Variants in SMAD9 observed in about 807,000 individuals in gnomAD.
SMAD9 encodes SMAD family member 9.
Under a neutral mutation model 46.1 loss-of-function variants are expected in SMAD9, and 36 were observed. That is an observed-to-expected ratio of 0.78 (90% CI 0.60 to 1.03). The LOEUF (loss-of-function observed/expected upper bound fraction) is 1.03. Among genes scored for constraint, SMAD9 ranks in the 50% least tolerant of loss-of-function variants. The pLI is 0.00. For synonymous variants in SMAD9, 245 were observed against 237.1 expected (o/e 1.03, Z -0.31); for missense variants, 572 against 599.8 (o/e 0.95, Z 0.48).
At chr13:36,852,433 T>C in intron 6 of SMAD9, 1 of 985,378 alleles carries the variant, frequency 1.0e-6, no homozygotes. Context: ...GTGATGAAAC[T>C]GAAGGCTTTC....
chr13:36,901,186 T>C (rs1341562665), intron 1 of SMAD9, among the ~76,000 whole-genome samples: 1 of 152,220 alleles, frequency 6.6e-6, no homozygotes, highest in African/African-American at 2.4e-5. Context: ...TTCGAGCATA[T>C]ACCTAGGAGT....
intron 1 of SMAD9, among the ~76,000 whole-genome samples, chr13:36,911,486 A>C (rs927165072): frequency 1.3e-5 from 2 of 152,142 alleles, no homozygotes; most frequent in Non-Finnish European, 2.9e-5. Flanking sequence ...ATCTGTCTGA[A>C]TACTTGTAAA....
chr13:36,915,266 T>A (rs1403752014), intron 1 of SMAD9, among the ~76,000 whole-genome samples: 2 of 152,194 alleles, frequency 1.3e-5, no homozygotes, highest in Admixed American at 1.3e-4. Context: ...CAGATTCCTT[T>A]GTTCAGTGAT....
intron 5 of SMAD9, among the ~76,000 whole-genome samples, chr13:36,859,960 CA>C (rs879463884): frequency 4.8e-4 from 62 of 129,712 alleles, no homozygotes; most frequent in East Asian, 6.5e-4. Context: ...AACTCCATCT[CA>C]AAAAAAAAAA....
At chr13:36,874,081 CT>C (rs1246343269) in intron 2 of SMAD9, among the ~76,000 whole-genome samples, 1 of 152,188 alleles carries the variant, frequency 6.6e-6, no homozygotes, top group Non-Finnish European at 1.5e-5. Flanking sequence ...AAAGTAGCTA[CT>C]CCAAAACTGT....
rs1203619107 is a variant in SMAD9 at position 36,856,208 on chromosome 13, T to C, written c.1004-2533A>G. 1.9e-4 allele frequency among the ~76,000 whole-genome samples: 29 copies of C among 149,982 alleles called. No individual in the cohort carries two copies. The East Asian group carries it at 3.3e-3, about 17-fold the overall frequency. On this transcript the variant is annotated intron_variant, in intron 5 of 6. Transcript: ENST00000379826. ...CCTGCCTTGTGAGGGTGGGCGGAGG[T>C]TTTTTCAAGAGGGAAAGCAGGTGAA...
chr13:36,902,045 A>G (rs992005378), intron 1 of SMAD9, among the ~76,000 whole-genome samples: 2 of 152,102 alleles, frequency 1.3e-5, no homozygotes, highest in South Asian at 2.1e-4. Context: ...TGGTATCCTA[A>G]GAATCTATTG....
At chr13:36,893,648 AT>A (rs1409111143) in intron 1 of SMAD9, among the ~76,000 whole-genome samples, 1 of 151,740 alleles carries the variant, frequency 6.6e-6, no homozygotes, top group Non-Finnish European at 1.5e-5. Context: ...GAAATATAAC[AT>A]TTAGTGAAAA....
At chr13:36,890,778 C>CCT (rs1189402995) in intron 1 of SMAD9, among the ~76,000 whole-genome samples, 1 of 151,846 alleles carries the variant, frequency 6.6e-6, no homozygotes, top group African/African-American at 2.4e-5. Context: ...GCACTCGTAC[C>CCT]CTCTCTCCCT....
intron 1 of SMAD9, among the ~76,000 whole-genome samples, chr13:36,901,721 C>T (rs544837304): frequency 6.6e-6 from 1 of 152,336 alleles, no homozygotes; most frequent in African/African-American, 2.4e-5. Context: ...AGCCACTGTG[C>T]CCGGTCCACT....
chr13:36,872,446 T>G (rs186134814), intron 3 of SMAD9, among the ~76,000 whole-genome samples: 1 of 151,810 alleles, frequency 6.6e-6, no homozygotes, highest in Admixed American at 6.6e-5. Context: ...TCCAGAGCAT[T>G]AGAACTAAAA....
intron 3 of SMAD9, among the ~76,000 whole-genome samples, chr13:36,868,072 G>A (rs1246759137): frequency 6.6e-6 from 1 of 152,222 alleles, no homozygotes; most frequent in Non-Finnish European, 1.5e-5. Context: ...GAATGGTCTT[G>A]TTAACATGCG....
chr13:36,881,388 T>C (rs2058401372), intron 1 of SMAD9, among the ~76,000 whole-genome samples: 1 of 152,218 alleles, frequency 6.6e-6, no homozygotes, highest in Admixed American at 6.5e-5. Context: ...AAATATAATT[T>C]TCTCCTTTGC....
intron 6 of SMAD9, chr13:36,849,730 C>G (rs2058059870): frequency 6.6e-6 from 1 of 152,158 alleles, no homozygotes; most frequent in Non-Finnish European, 1.5e-5. Flanking sequence ...TAAGTTTCCA[C>G]AGGACCTGCA....
chr13:36,918,988 G>A (rs2058719636), intron 1 of SMAD9, among the ~76,000 whole-genome samples: 1 of 152,126 alleles, frequency 6.6e-6, no homozygotes, highest in Admixed American at 6.5e-5. Flanking sequence ...AATCTGGCAA[G>A]CCACCGAAAT....
rs141457293 is a variant in SMAD9 at position 36,872,262 on chromosome 13, G to A, written c.670+396C>T. Among the ~76,000 whole-genome samples, 1,314 of 151,674 alleles carry A rather than the reference G, an allele frequency of 8.7e-3. 13 individuals carry two copies. Among genetic ancestry groups the A allele is most frequent in the Non-Finnish European group, 0.013 (854 of 67,932 alleles). ...TAGGCAAGGGCTTCCTTTGATTGTT[G>A]AAAGAGGCAACCAAGGTAAAGGCCT... On this transcript the variant is annotated intron_variant, in intron 3 of 6. Transcript: ENST00000379826.
intron 2 of SMAD9, among the ~76,000 whole-genome samples, chr13:36,877,818 T>C (rs1413424016): frequency 2.6e-5 from 4 of 152,254 alleles, no homozygotes; most frequent in Non-Finnish European, 4.4e-5. Context: ...TTCTGGGAGC[T>C]TGAAGGATCA....
rs939193960 is a variant in SMAD9 at position 36,920,184 on chromosome 13, A to T, written c.-255T>A. 37 of 73,134 alleles carry T rather than the reference A, an allele frequency of 5.1e-4. No individual in the cohort carries two copies. The highest frequency in any genetic ancestry group is 1.2e-3 in the Non-Finnish European group (31 of 25,660). 4.5% of individuals were successfully genotyped at this position (73,134 alleles called of 1,614,324 possible). ...CGGCGGGGACCGAGACAGCGGCTGCAGCAGCGGCGGCGGCGGCGGCGGCGG... is the reference window on the plus strand; with the variant it reads ...CGGCGGGGACCGAGACAGCGGCTGCTGCAGCGGCGGCGGCGGCGGCGGCGG... On this transcript the variant is annotated 5_prime_UTR_variant, in exon 1 of 7. Transcript: ENST00000379826.
chr13:36,880,822 CAAT>C (rs1401412276), intron 1 of SMAD9, among the ~76,000 whole-genome samples: 15 of 151,686 alleles, frequency 9.9e-5, no homozygotes, highest in Non-Finnish European at 1.3e-4. Context: ...TTTTTGAAAA[CAAT>C]GTTTTAAATA....
Sources: gnomAD v4.1 joint callset for allele counts (sites outside exome capture counted in the v4.1 genomes callset) on GRCh38, gnomAD v4.1.1 for gene constraint, MANE v1.5 for transcripts, NCBI Gene and HGNC (gene_info 2026-07-23, HGNC 2026-07-21) for gene names.